MGAT4C: variants seen among roughly 807,000 people sequenced by gnomAD.
The protein encoded by MGAT4C is MGAT4 family member C.
Under a neutral mutation model 40.1 loss-of-function variants are expected in MGAT4C, and 19 were observed. That is an observed-to-expected ratio of 0.47 (90% CI 0.33 to 0.70). The LOEUF is 0.70. Ranked by LOEUF, MGAT4C falls within the 30% of genes least tolerant of loss-of-function variation. The probability of loss-of-function intolerance (pLI) is 0.02; values close to 1 mark genes in which losing one functional copy is unlikely to be tolerated. For synonymous variants in MGAT4C, 181 were observed against 187.1 expected (o/e 0.97, Z 0.27); for missense variants, 491 against 563.2 (o/e 0.87, Z 1.30).
chr12:86,521,427 A>G (rs577855089), intron 2 of MGAT4C, among the ~76,000 whole-genome samples: 55 of 152,120 alleles, frequency 3.6e-4, no homozygotes, highest in East Asian at 1.7e-3. Flanking sequence ...CCATTGGTCT[A>G]TATGTCTGTT....
chr12:86,108,667 T>C (rs376535032), intron 1 of MGAT4C, among the ~76,000 whole-genome samples: 4 of 152,242 alleles, frequency 2.6e-5, no homozygotes, highest in Middle Eastern at 3.4e-3. Flanking sequence ...TTTTGACATA[T>C]AGGGCCTAAT....
chr12:85,973,161 A>G lies in MGAT4C; in HGVS notation c.*6128T>C, dbSNP rs1371369926. 1 of 150,868 alleles carries G rather than the reference A, an allele frequency of 6.6e-6. No homozygotes were observed. The highest frequency in any genetic ancestry group is 1.5e-5 in the Non-Finnish European group (1 of 67,066). 9.3% of individuals were successfully genotyped at this position (150,868 alleles called of 1,614,324 possible). On this transcript the variant is annotated 3_prime_UTR_variant, in exon 5 of 5. Coordinates refer to ENST00000611864, the MANE Select transcript of MGAT4C (RefSeq NM_001351288.2). Reference sequence around the variant, plus strand: ...CCATACTTTTGGTACCTTCATAATAAACGGTAAAGTGAGGGAAAGGGTGGA... The same window carrying G: ...CCATACTTTTGGTACCTTCATAATAGACGGTAAAGTGAGGGAAAGGGTGGA...
chr12:86,669,110 G>C (rs1964188582), intron 2 of MGAT4C, among the ~76,000 whole-genome samples: 1 of 151,990 alleles, frequency 6.6e-6, no homozygotes. Flanking sequence ...GACACTTTCT[G>C]CTCTATGCCC....
intron 3 of MGAT4C, among the ~76,000 whole-genome samples, chr12:86,379,508 G>C (rs1326068614): frequency 6.6e-6 from 1 of 151,988 alleles, no homozygotes; most frequent in Admixed American, 6.6e-5. Flanking sequence ...CCTCTTTCTG[G>C]CAAAGGTTAT....
chr12:86,700,138 TAGACAGAC>T (rs60647571), intron 2 of MGAT4C, among the ~76,000 whole-genome samples: 38,805 of 141,420 alleles, frequency 0.27, 5,611 homozygotes, highest in Middle Eastern at 0.43. Context: ...TGTAGATAGA[TAGACAGAC>T]AGACAGACAG....
intron 2 of MGAT4C, among the ~76,000 whole-genome samples, chr12:86,461,394 C>T (rs887752605): frequency 6.6e-6 from 1 of 151,820 alleles, no homozygotes; most frequent in Admixed American, 6.6e-5. Context: ...TACAGGCGCC[C>T]GCCACCGCGC....
intron 2 of MGAT4C, among the ~76,000 whole-genome samples, chr12:86,438,301 A>G (rs61949523): frequency 0.099 from 14,974 of 151,986 alleles, 994 homozygotes; most frequent in Middle Eastern, 0.25. Context: ...CTTTAATTCT[A>G]TGAAAGCTGA....
In MGAT4C at chr12:85,979,620, C is replaced by G. The variant is rs1187671087; in HGVS notation, c.1106G>C (p.Trp369Ser). The G allele has an allele frequency of 6.2e-7, 1 of 1,611,288 alleles. No homozygotes were observed. The highest frequency in any genetic ancestry group is 8.5e-7 in the Non-Finnish European group (1 of 1,179,422). ...KAYSSVDEYF[W>S]GKPPSTGDVF... is the part of the protein sequence containing the mutation. The stretch of plus-strand genomic sequence containing the variant: ...ATCTCCTGTTGAAGGTGGTTTCCCC[C>G]AAAAGTACTCATCAACACTACTGTA... Residue 369 changes from tryptophan (W) to serine (S), a missense_variant, in exon 5 of 5, where the codon TGG (tryptophan) becomes TCG (serine). Trp to Ser is a radical substitution (Grantham distance 177). Transcript: ENST00000611864.
intron 1 of MGAT4C, among the ~76,000 whole-genome samples, chr12:86,210,863 G>C (rs775369450): frequency 5.9e-5 from 9 of 152,056 alleles, no homozygotes; most frequent in African/African-American, 1.2e-4. Flanking sequence ...ACAGATAGTT[G>C]ATAACAGATT....
intron 3 of MGAT4C, among the ~76,000 whole-genome samples, chr12:86,382,469 C>T (rs1260293193): frequency 6.6e-6 from 1 of 152,128 alleles, no homozygotes; most frequent in African/African-American, 2.4e-5. Flanking sequence ...TGCAGCCTGA[C>T]AATGCAATAG....
chr12:86,684,356 T>C (rs920343436), intron 2 of MGAT4C, among the ~76,000 whole-genome samples: 9 of 152,230 alleles, frequency 5.9e-5, no homozygotes, highest in Non-Finnish European at 8.8e-5. Context: ...GCAAAAGACA[T>C]AAACTCATTA....
intron 2 of MGAT4C, among the ~76,000 whole-genome samples, chr12:86,726,581 A>G (rs939878086): frequency 1.3e-5 from 2 of 152,172 alleles, no homozygotes; most frequent in Non-Finnish European, 2.9e-5. Flanking sequence ...TAGTAACACA[A>G]CCTTGGTTAG....
At chr12:86,022,193 G>GA (rs2136869085) in intron 2 of MGAT4C, among the ~76,000 whole-genome samples, 1 of 152,310 alleles carries the variant, frequency 6.6e-6, no homozygotes, top group South Asian at 2.1e-4. Flanking sequence ...AACTAGAACA[G>GA]AAAAATACTA....
chr12:86,151,526 C>A (rs987548266), intron 1 of MGAT4C, among the ~76,000 whole-genome samples: 5 of 151,722 alleles, frequency 3.3e-5, no homozygotes, highest in Non-Finnish European at 7.4e-5. Flanking sequence ...GGCAGGAGAA[C>A]GGCGTGAACC....
At chr12:86,456,335 G>A (rs1048479656) in intron 2 of MGAT4C, among the ~76,000 whole-genome samples, 12 of 151,974 alleles carry the variant, frequency 7.9e-5, no homozygotes, top group Non-Finnish European at 1.6e-4. Context: ...GTTAGTTATC[G>A]CATAATCTTT....
intron 3 of MGAT4C, among the ~76,000 whole-genome samples, chr12:86,402,167 G>A (rs957630866): frequency 3.3e-5 from 5 of 151,920 alleles, no homozygotes; most frequent in African/African-American, 7.2e-5. Flanking sequence ...AAAATAGGCC[G>A]GGCACAGTGG....
chr12:85,978,808 C>T lies in MGAT4C; in HGVS notation c.*481G>A, dbSNP rs1884204628. ...TGAGGAGGTATTCATTGTAGATGTA[C>T]AGAAGTCAACGGAAACTTAAGTTTA... On this transcript the variant is annotated 3_prime_UTR_variant, in exon 5 of 5. Coordinates refer to ENST00000611864, the MANE Select transcript of MGAT4C (RefSeq NM_001351288.2). 1 of 151,920 alleles carries T rather than the reference C, an allele frequency of 6.6e-6. No individual in the cohort carries two copies. Among genetic ancestry groups the T allele is most frequent in the Non-Finnish European group, 1.5e-5 (1 of 67,948 alleles). The allele number at this position is 151,920 out of a possible 1,614,324, so 9.4% of individuals were successfully genotyped here.
intron 4 of MGAT4C, among the ~76,000 whole-genome samples, chr12:86,294,157 A>C (rs549851160): frequency 5.7e-4 from 86 of 152,182 alleles, no homozygotes; most frequent in African/African-American, 1.8e-3. Context: ...ATGCAGTTCA[A>C]CTGTAACTTA....
chr12:86,631,920 T>A (rs1408590029), intron 2 of MGAT4C, among the ~76,000 whole-genome samples: 1 of 152,016 alleles, frequency 6.6e-6, no homozygotes, highest in Non-Finnish European at 1.5e-5. Context: ...CTAATTAAAC[T>A]AAAGAGCTTC....
Sources: gnomAD v4.1 joint callset for allele counts (sites outside exome capture counted in the v4.1 genomes callset) on GRCh38, gnomAD v4.1.1 for gene constraint, MANE v1.5 for transcripts, NCBI Gene and HGNC (gene_info 2026-07-23, HGNC 2026-07-21) for gene names.